Variants in VCPKMT observed in about 807,000 individuals in gnomAD.
The protein encoded by VCPKMT is protein N-lysine methyltransferase METTL21D.
In VCPKMT, 32 loss-of-function variants were observed where a neutral mutation model predicts 28.6. The observed-to-expected ratio is 1.12, with a 90% CI of 0.84 to 1.50. VCPKMT has a LOEUF of 1.50. Ranked by LOEUF, VCPKMT falls within the 40% of genes most tolerant of loss-of-function variation. The pLI, the probability that VCPKMT is intolerant of heterozygous loss-of-function variation, is 0.00. For missense variants in VCPKMT, 366 were observed against 285.0 expected (o/e 1.28, Z -2.05); for synonymous variants, 138 against 111.4 (o/e 1.24, Z -1.50).
At chr14:50,111,785 C>CT in intron 5 of VCPKMT, 1 of 651,320 alleles carries the variant, frequency 1.5e-6, no homozygotes, top group Non-Finnish European at 1.9e-6. Flanking sequence ...ACTCAGGAGG[C>CT]TGAGGTGGGA....
intron 3 of VCPKMT, among the ~76,000 whole-genome samples, chr14:50,115,315 G>A (rs1883056228): frequency 6.6e-6 from 1 of 151,980 alleles, no homozygotes; most frequent in African/African-American, 2.4e-5. Context: ...ACCACGCCTG[G>A]CTAATTTTGT....
At chr14:50,114,212 T>C in intron 4 of VCPKMT, 73 bp downstream of exon 4, 1 of 1,332,084 alleles carries the variant, frequency 7.5e-7, no homozygotes, top group Non-Finnish European at 9.8e-7. Context: ...ATTACCATAA[T>C]ATACTTGAAG....
chr14:50,114,926 G>A (rs1024633555), intron 3 of VCPKMT, among the ~76,000 whole-genome samples: 1 of 152,128 alleles, frequency 6.6e-6, no homozygotes, highest in Non-Finnish European at 1.5e-5. Context: ...ACCATGTACT[G>A]ATTTTGGTTT....
chr14:50,105,635 C>A (rs2139423241), downstream of VCPKMT, among the ~76,000 whole-genome samples: 1 of 152,214 alleles, frequency 6.6e-6, no homozygotes, highest in Non-Finnish European at 1.5e-5. Context: ...CGTCTCGAAA[C>A]AAAACAAAAC....
chr14:50,103,986 C>T (rs1433242122), downstream of VCPKMT, among the ~76,000 whole-genome samples: 1 of 152,168 alleles, frequency 6.6e-6, no homozygotes, highest in African/African-American at 2.4e-5. Flanking sequence ...AATTTAATCT[C>T]CACAGCAACC....
Position 50,108,841 on chromosome 14 carries a change from A to G in VCPKMT, c.*858T>C, listed in dbSNP as rs1882447276. The G allele has an allele frequency of 1.0e-6, 1 of 985,344 alleles. No homozygotes were observed. Among genetic ancestry groups the G allele is most frequent in the African/African-American group, 1.7e-5 (1 of 57,250 alleles). 61.0% of individuals were successfully genotyped at this position (985,344 alleles called of 1,614,324 possible). ...TCATTTGGTATATACATATAGAACT[A>G]CATTTGTAGTTATTCAAAAACCTTT... On this transcript the variant is annotated 3_prime_UTR_variant, in exon 6 of 6. Transcript: ENST00000395860.
chr14:50,106,825 T>C (rs1416266828), downstream of VCPKMT, among the ~76,000 whole-genome samples: 1 of 151,884 alleles, frequency 6.6e-6, no homozygotes, highest in African/African-American at 2.4e-5. Context: ...CAGATGAACC[T>C]CCCACATCAG....
intron 5 of VCPKMT, chr14:50,112,173 G>T: frequency 3.5e-6 from 2 of 574,392 alleles, no homozygotes; most frequent in Non-Finnish European, 4.4e-6. Flanking sequence ...CTTATAAATA[G>T]CTAATAACTT....
At chr14:50,115,322 T>C (rs1009300813) in intron 3 of VCPKMT, among the ~76,000 whole-genome samples, 2 of 152,046 alleles carry the variant, frequency 1.3e-5, no homozygotes, top group Non-Finnish European at 2.9e-5. Context: ...CTGGCTAATT[T>C]TGTATTTTTA....
chr14:50,110,554 T>C (rs1882571427), intron 5 of VCPKMT, among the ~76,000 whole-genome samples: 1 of 152,162 alleles, frequency 6.6e-6, no homozygotes, highest in Admixed American at 6.5e-5. Context: ...CAAATGTTGG[T>C]AAAAATGTGG....
In VCPKMT at chr14:50,114,363, T is replaced by A. The variant is rs747442531; in HGVS notation, c.492A>T (p.Gly164=). 47 of 1,585,378 alleles carry A rather than the reference T, an allele frequency of 3.0e-5. No homozygotes were observed. Among genetic ancestry groups the A allele is most frequent in the Non-Finnish European group, 3.8e-5 (45 of 1,168,856 alleles). ...PLLKTLKDIS[G]FETCIICCYE... ...AACAACATATAATACAAGTTTCAAA[T>A]CCGCTGATATCTTTTAGAGTTTTCA... The change falls in exon 4 of 6, where the codon GGA becomes GGT. Residue 164 remains glycine, a synonymous_variant. Transcript: ENST00000395860.
At position 50,114,304 on chromosome 14, in the gene VCPKMT, A is replaced by G. The variant is rs570203710; in HGVS notation, c.551T>C (p.Ile184Thr). ...EQRTMGKNPE[I>T]EKKYFELLQL... The stretch of plus-strand genomic sequence containing the variant: ...ACTTACCTCAAAATATTTTTTCTCA[A>G]TTTCTGGATTTTTCCCCATTGTTCG... Residue 184 changes from isoleucine to threonine, a missense_variant, in exon 4 of 6, where the codon ATT (isoleucine) becomes ACT (threonine). Physicochemically the swap from Ile to Thr is moderately conservative, Grantham distance 89. Coordinates refer to ENST00000395860, the MANE Select transcript of VCPKMT (RefSeq NM_024558.3). 1.8e-5 allele frequency: 28 copies of G among 1,581,030 alleles called. No homozygotes were observed. In the South Asian group the frequency reaches 2.1e-4, roughly 12 times the overall value.
chr14:50,102,735 T>C, the VCPKMT span, among the ~76,000 whole-genome samples: 35 of 152,378 alleles, frequency 2.3e-4, no homozygotes, highest in Admixed American at 1.3e-3. Context: ...AACATTTTAA[T>C]TTTGCTTTGC....
rs375418235 is a variant in VCPKMT, at chr14:50,111,523, T to C, written c.675+1092A>G. The stretch of plus-strand genomic sequence containing the variant: ...TATTGAATCTAGCATCCTTAATTCA[T>C]AAAACTAATCATCTCCCTGCCTTAC... On this transcript the variant is annotated intron_variant, in intron 5 of 5. Transcript: ENST00000395860. 4.6e-5 allele frequency: 45 copies of C among 985,354 alleles called. No individual in the cohort carries two copies. The East Asian group carries it at 1.6e-3, about 35-fold the overall frequency. 61.0% of individuals were successfully genotyped at this position (985,354 alleles called of 1,614,324 possible). A position where few individuals can be genotyped will look rare whatever the true frequency, so the allele number is the denominator to read the frequency against.
chr14:50,107,979 A>G (rs778128311), downstream of VCPKMT, among the ~76,000 whole-genome samples: 1 of 152,070 alleles, frequency 6.6e-6, no homozygotes, highest in African/African-American at 2.4e-5. Flanking sequence ...ACTTGGCTCC[A>G]GGAATTTGAG....
rs767898088 is a variant in VCPKMT, at chr14:50,116,370, G to A, written c.183C>T (p.Asp61=). The A allele has an allele frequency of 6.2e-7, 1 of 1,613,284 alleles. No individual in the cohort carries two copies. Among genetic ancestry groups the A allele is most frequent in the East Asian group, 2.2e-5 (1 of 44,852 alleles). ...KYLETPEFSG[D]GAHALSRRSV... Reference sequence around the variant, plus strand: ...ACCGCCGGCTCAGCGCGTGGGCCCCGTCGCCAGAAAACTCGGGCGTTTCCA... The same window carrying A: ...ACCGCCGGCTCAGCGCGTGGGCCCCATCGCCAGAAAACTCGGGCGTTTCCA... Residue 61 remains aspartate, a synonymous_variant, in exon 1 of 6, where the codon GAC becomes GAT. Transcript: ENST00000395860.
chr14:50,109,254 AC>A lies in VCPKMT; in HGVS notation c.*444del. 1 of 952,252 alleles carries A rather than the reference AC, an allele frequency of 1.1e-6. No homozygotes were observed. Among genetic ancestry groups the A allele is most frequent in the Non-Finnish European group, 1.3e-6 (1 of 799,266 alleles). 59.0% of individuals were successfully genotyped at this position (952,252 alleles called of 1,614,324 possible). ...TTGTATAATTATGTACAAAATGAAA[AC>A]CTTTTAAACTCTGAAGACAAACTAA... On this transcript the variant is annotated 3_prime_UTR_variant, in exon 6 of 6. Coordinates refer to ENST00000395860, the MANE Select transcript of VCPKMT (RefSeq NM_024558.3).
chr14:50,103,265 ATTAG>A, the VCPKMT span, among the ~76,000 whole-genome samples: 5 of 152,264 alleles, frequency 3.3e-5, no homozygotes, highest in Admixed American at 1.3e-4. Context: ...AGCCTGAGGA[ATTAG>A]TTAAGTCCTG....
chr14:50,111,335 A>G (rs2139432496), intron 5 of VCPKMT: 1 of 985,414 alleles, frequency 1.0e-6, no homozygotes, highest in South Asian at 4.7e-5. Context: ...CATGCCACAT[A>G]AATGTTAATC....
Sources: allele counts gnomAD v4.1 joint callset (sites outside exome capture counted in the v4.1 genomes callset), GRCh38; gene constraint gnomAD v4.1.1; transcripts MANE v1.5; gene names NCBI Gene and HGNC (gene_info 2026-07-23, HGNC 2026-07-21).